The following WDR70 variants were observed in gnomAD, a reference collection of about 807,000 sequenced individuals.
WDR70 encodes the protein WD repeat domain 70, also known as WD repeat-containing protein 70.
Under a neutral mutation model 88.6 loss-of-function variants are expected in WDR70, and 53 were observed. That is an observed-to-expected ratio of 0.60 (90% CI 0.48 to 0.75). The LOEUF (loss-of-function observed/expected upper bound fraction) is 0.75. Among genes scored for constraint, WDR70 ranks in the 30% least tolerant of loss-of-function variants. WDR70 has a pLI of 0.00. For synonymous variants in WDR70, 280 were observed against 270.0 expected, an observed-to-expected ratio of 1.04 and a Z score of -0.36; for missense variants, 610 against 823.2, an observed-to-expected ratio of 0.74 and a Z score of 3.17.
At chr5:37,725,136 C>A in intron 16 of WDR70, 86 bp downstream of exon 16, 2 of 1,074,770 alleles carry the variant, frequency 1.9e-6, no homozygotes, top group Non-Finnish European at 2.8e-6. Flanking sequence ...GTCTTTTGGG[C>A]CTGGATGCTT....
intron 5 of WDR70, among the ~76,000 whole-genome samples, chr5:37,424,088 G>A (rs892370538): frequency 7.4e-6 from 1 of 135,986 alleles, no homozygotes; most frequent in African/African-American, 2.7e-5. Flanking sequence ...AGTGGAGGTT[G>A]CAGTGAGCTG....
At chr5:37,618,346 A>G (rs1263288228) in intron 10 of WDR70, among the ~76,000 whole-genome samples, 2 of 152,150 alleles carry the variant, frequency 1.3e-5, no homozygotes, top group African/African-American at 4.8e-5. Context: ...AAAATGATGT[A>G]TTTATTAAAA....
intron 1 of WDR70, 22 bp downstream of exon 1, chr5:37,379,414 C>T (rs373406711): frequency 2.5e-6 from 4 of 1,613,452 alleles, no homozygotes; most frequent in Non-Finnish European, 3.4e-6. Flanking sequence ...GAGGCGAGTC[C>T]GGGCGGGGTG....
rs566363700 is a variant in WDR70 at position 37,618,438 on chromosome 5, G to C, written c.1092+13200G>C. Among the ~76,000 whole-genome samples, 18 of 152,196 alleles carry C rather than the reference G, an allele frequency of 1.2e-4. No homozygotes were observed. The South Asian group carries it at 3.7e-3, about 32-fold the overall frequency. On this transcript the variant is annotated intron_variant, in intron 10 of 17. Coordinates refer to ENST00000265107, the MANE Select transcript of WDR70 (RefSeq NM_018034.4). ...GGCTGGAGTGCAGTGGCTCAGTTTC[G>C]GTTCACTGCAACCTCCGCCTCTGGG... is the stretch of plus-strand genomic sequence containing the variant.
chr5:37,660,371 TCTTA>T (rs1162317237), intron 10 of WDR70, among the ~76,000 whole-genome samples: 6 of 152,122 alleles, frequency 3.9e-5, no homozygotes, highest in East Asian at 1.9e-4. Context: ...TGATTTTATG[TCTTA>T]CTTATTTTAT....
chr5:37,738,028 T>G (rs1455078666), intron 17 of WDR70, among the ~76,000 whole-genome samples: 1 of 121,936 alleles, frequency 8.2e-6, no homozygotes, highest in African/African-American at 3.3e-5. Context: ...TGCCTAATAT[T>G]TAAAAAAAAA....
chr5:37,476,436 G>C (rs1337984836), intron 7 of WDR70, among the ~76,000 whole-genome samples: 1 of 152,166 alleles, frequency 6.6e-6, no homozygotes, highest in Non-Finnish European at 1.5e-5. Flanking sequence ...AAGTCCTGCA[G>C]TTGGTCCTGA....
At chr5:37,514,356 A>ATGTATG (rs1554145422) in intron 8 of WDR70, among the ~76,000 whole-genome samples, 1 of 54,380 alleles carries the variant, frequency 1.8e-5, no homozygotes, top group African/African-American at 3.9e-5. Flanking sequence ...ATATATATAT[A>ATGTATG]TATGTATGTA....
chr5:37,645,911 T>A (rs929624104), intron 10 of WDR70, among the ~76,000 whole-genome samples: 3 of 152,146 alleles, frequency 2.0e-5, no homozygotes, highest in Non-Finnish European at 4.4e-5. Context: ...GGTCTTGTTT[T>A]TTCATCCATT....
rs570368022 is a variant in WDR70, at chr5:37,466,578, C to T, written c.687-13256C>T. Among the ~76,000 whole-genome samples the T allele has an allele frequency of 4.3e-4, 65 of 151,644 alleles. No individual in the cohort carries two copies. In the East Asian group the frequency reaches 7.6e-3, roughly 18 times the overall value. On this transcript the variant is annotated intron_variant, in intron 7 of 17. Transcript: ENST00000265107. ...AAAATTAGCCGGGCATGGTGGCGGG[C>T]GCCTGTAGTCCCAGCTACTCAGGAG...
At chr5:37,455,907 G>A (rs57479806) in intron 7 of WDR70, among the ~76,000 whole-genome samples, 24,578 of 151,894 alleles carry the variant, frequency 0.16, 2,116 homozygotes, top group South Asian at 0.27. Flanking sequence ...CCACTGATGT[G>A]ATTTTGCCTC....
chr5:37,716,203 T>C (rs1747650684), intron 13 of WDR70, among the ~76,000 whole-genome samples: 1 of 152,232 alleles, frequency 6.6e-6, no homozygotes, highest in South Asian at 2.1e-4. Flanking sequence ...AAATGGAGTT[T>C]CAACATAATC....
At chr5:37,679,086 C>T (rs1458585506) in intron 10 of WDR70, among the ~76,000 whole-genome samples, 8 of 151,944 alleles carry the variant, frequency 5.3e-5, no homozygotes, top group African/African-American at 1.9e-4. Context: ...GCTCCATCAG[C>T]TCCTTTAAGC....
intron 9 of WDR70, among the ~76,000 whole-genome samples, chr5:37,548,057 C>T (rs1742044219): frequency 1.3e-5 from 2 of 152,106 alleles, no homozygotes; most frequent in African/African-American, 4.8e-5. Context: ...TTGATGGACA[C>T]TTAGTTTGGG....
chr5:37,740,061 C>CT (rs749934862), intron 17 of WDR70, among the ~76,000 whole-genome samples: 27 of 152,246 alleles, frequency 1.8e-4, no homozygotes, highest in Non-Finnish European at 3.4e-4. Flanking sequence ...CATTTTATCT[C>CT]TTTGTATCTG....
intron 17 of WDR70, among the ~76,000 whole-genome samples, chr5:37,734,540 T>C (rs1440948365): frequency 6.6e-6 from 1 of 152,048 alleles, no homozygotes; most frequent in Admixed American, 6.6e-5. Context: ...TAAATGGTAA[T>C]AATGCTAAGA....
chr5:37,456,990 T>C (rs1433100227), intron 7 of WDR70, among the ~76,000 whole-genome samples: 2 of 152,238 alleles, frequency 1.3e-5, no homozygotes, highest in African/African-American at 2.4e-5. Flanking sequence ...AGGTACTATG[T>C]ATTACCTGTA....
At chr5:37,416,288 C>T (rs1378790427) in intron 5 of WDR70, among the ~76,000 whole-genome samples, 1 of 152,232 alleles carries the variant, frequency 6.6e-6, no homozygotes, top group Non-Finnish European at 1.5e-5. Context: ...GCTGGCGGAT[C>T]ACTCGCTGTT....
chr5:37,498,312 C>T (rs892146876), intron 8 of WDR70, among the ~76,000 whole-genome samples: 2 of 152,150 alleles, frequency 1.3e-5, no homozygotes, highest in East Asian at 1.9e-4. Context: ...TTTGAATTTA[C>T]GGTGCTCTCT....
Sources: gnomAD v4.1 joint callset for allele counts (sites outside exome capture counted in the v4.1 genomes callset) on GRCh38, gnomAD v4.1.1 for gene constraint, MANE v1.5 for transcripts, NCBI Gene and HGNC (gene_info 2026-07-23, HGNC 2026-07-21) for gene names.